WIPI2: variants seen among roughly 807,000 people sequenced by gnomAD.
WIPI2 encodes WD repeat domain phosphoinositide-interacting protein 2.
In WIPI2, 28 loss-of-function variants were observed where a neutral mutation model predicts 52.3. That is an observed-to-expected ratio of 0.54 (90% CI 0.40 to 0.73). The LOEUF (loss-of-function observed/expected upper bound fraction) is 0.73, where lower values mean the gene tolerates loss of function less well. Ranked by LOEUF, WIPI2 falls within the 30% of genes least tolerant of loss-of-function variation. WIPI2 has a pLI of 0.00. For synonymous variants in WIPI2, 268 were observed against 245.0 expected (o/e 1.09, Z -0.88); for missense variants, 506 against 602.9 (o/e 0.84, Z 1.68).
Position 5,212,182 on chromosome 7 carries a change from G to A in WIPI2, c.212-2353G>A, listed in dbSNP as rs189006102. ...AAGGAGCTCCTCGTCTATGACAGGCGACATTAGACCTGGGGGTGGTGCAGC... is the reference window on the plus strand; with the variant it reads ...AAGGAGCTCCTCGTCTATGACAGGCAACATTAGACCTGGGGGTGGTGCAGC... On this transcript the variant is annotated intron_variant, in intron 3 of 12. Transcript: ENST00000288828. Among the ~76,000 whole-genome samples, 641 of 152,238 alleles carry A rather than the reference G, an allele frequency of 4.2e-3. 14 individuals carry two copies. Among genetic ancestry groups the A allele is most frequent in the East Asian group, 2.9e-3 (15 of 5,192 alleles).
At chr7:5,213,921 G>C (rs1782685324) in intron 3 of WIPI2, among the ~76,000 whole-genome samples, 2 of 152,172 alleles carry the variant, frequency 1.3e-5, no homozygotes, top group African/African-American at 4.8e-5. Flanking sequence ...TCCCGACCTT[G>C]TGATCCACCC....
chr7:5,197,043 C>T (rs1205561577), intron 2 of WIPI2, among the ~76,000 whole-genome samples: 4 of 136,784 alleles, frequency 2.9e-5, no homozygotes, highest in African/African-American at 1.1e-4. Flanking sequence ...ACCCAGGAGG[C>T]AGAGGTTTCA....
At chr7:5,224,292 C>T (rs1481430530) in intron 8 of WIPI2, among the ~76,000 whole-genome samples, 1 of 152,176 alleles carries the variant, frequency 6.6e-6, no homozygotes. Flanking sequence ...GTGTCGCCCT[C>T]GAGGAGGCCT....
At chr7:5,229,513 T>C in intron 11 of WIPI2, 95 bp from the exon 12 acceptor site, 1 of 1,458,952 alleles carries the variant, frequency 6.9e-7, no homozygotes, top group Non-Finnish European at 9.2e-7. Context: ...TGGTGAGTGG[T>C]GTGCTGGCTC....
At position 5,228,112 on chromosome 7, in the gene WIPI2, A is replaced by G; in HGVS notation, c.1022A>G (p.Lys341Arg). The change falls in exon 11 of 13, where the codon AAG becomes AGG. Residue 341 changes from lysine (K) to arginine (R), a missense_variant. By Grantham distance (26) the Lys-to-Arg change is conservative (BLOSUM62 2). Transcript: ENST00000288828. The part of the protein sequence containing the change: ...KNICSLATIQ[K>R]IPRLLVGAAD... ...CTCTTTATTCTCCCTAGAATTCAGA[A>G]GATCCCGCGGTTGTTGGTGGGTGCC... 1 of 1,613,970 alleles carries G rather than the reference A, an allele frequency of 6.2e-7. No homozygotes were observed. The highest frequency in any genetic ancestry group is 1.1e-5 in the South Asian group (1 of 91,080).
intron 3 of WIPI2, among the ~76,000 whole-genome samples, chr7:5,210,545 G>A (rs1024769213): frequency 4.6e-5 from 7 of 152,218 alleles, no homozygotes; most frequent in African/African-American, 1.4e-4. Flanking sequence ...CCTCCTCTCC[G>A]TGATGGCAGG....
chr7:5,214,441 C>T (rs756827191), intron 3 of WIPI2, 94 bp from the exon 4 acceptor site: 6 of 1,612,750 alleles, frequency 3.7e-6, no homozygotes, highest in Middle Eastern at 1.8e-4. Flanking sequence ...CCCTGCGTGT[C>T]GCCCAGGCAG....
In WIPI2 at chr7:5,229,670, T is replaced by C. The variant is rs780426631; in HGVS notation, c.1184T>C (p.Leu395Ser). 3.7e-6 allele frequency: 6 copies of C among 1,614,088 alleles called. No individual in the cohort carries two copies. Among genetic ancestry groups the C allele is most frequent in the Non-Finnish European group, 5.1e-6 (6 of 1,179,970 alleles). The change falls in exon 12 of 13, where the codon TTA becomes TCA. Residue 395 changes from leucine to serine, a missense_variant. Leu to Ser is a moderately radical substitution (Grantham distance 145). Transcript: ENST00000288828. ...GACTCTGCCTCTCACGACTGCCCCT[T>C]AGTCACTCAGACATACGGCGCAGCT... ...ILDSASHDCP[L>S]VTQTYGAAAG...
chr7:5,192,969 A>G, intron 1 of WIPI2, 149 bp from the exon 2 acceptor site: 1 of 685,080 alleles, frequency 1.5e-6, no homozygotes, highest in Non-Finnish European at 2.4e-6. Context: ...TGTATTTGTT[A>G]CATACCAAAC....
chr7:5,232,703 A>G lies in WIPI2; in HGVS notation c.*1756A>G, dbSNP rs1201651068. ...TCTCTAGAACCTGACCGTGCACTCC[A>G]TCTCCTGGGAGCCACTTTTGGCAAG... On this transcript the variant is annotated 3_prime_UTR_variant, in exon 13 of 13. Transcript: ENST00000288828. The G allele has an allele frequency of 1.1e-5, 2 of 181,984 alleles. No homozygotes were observed. The highest frequency in any genetic ancestry group is 2.3e-5 in the Non-Finnish European group (2 of 88,204). The allele number at this position is 181,984 out of a possible 1,614,324, so 11.3% of individuals were successfully genotyped here. A position where few individuals can be genotyped will look rare whatever the true frequency, so the allele number is the denominator to read the frequency against.
chr7:5,204,731 A>G (rs1006948489), intron 3 of WIPI2, among the ~76,000 whole-genome samples: 3 of 151,540 alleles, frequency 2.0e-5, no homozygotes, highest in Non-Finnish European at 4.4e-5. Flanking sequence ...TCGCTCTGTC[A>G]CTCATGCAGT....
chr7:5,197,129 A>C (rs1032596680), intron 2 of WIPI2, among the ~76,000 whole-genome samples: 7 of 147,844 alleles, frequency 4.7e-5, no homozygotes, highest in South Asian at 4.2e-4. Flanking sequence ...AAAAAAAAAA[A>C]AAAAAAAAAA....
At chr7:5,218,576 T>G (rs990821592) in intron 7 of WIPI2, 11 of 153,490 alleles carry the variant, frequency 7.2e-5, no homozygotes, top group Admixed American at 2.6e-4. Flanking sequence ...GTTTCTAATA[T>G]GTTGCTGCCG....
At chr7:5,203,935 T>C (rs1224817330) in intron 3 of WIPI2, among the ~76,000 whole-genome samples, 1 of 152,146 alleles carries the variant, frequency 6.6e-6, no homozygotes, top group African/African-American at 2.4e-5. Flanking sequence ...GTTCAGTCTT[T>C]CTTAGTGTCA....
chr7:5,194,136 C>T (rs934962560), intron 2 of WIPI2, among the ~76,000 whole-genome samples: 1 of 151,256 alleles, frequency 6.6e-6, no homozygotes, highest in African/African-American at 2.4e-5. Flanking sequence ...GTGAAAAAGC[C>T]GAGAAGGAGA....
intron 7 of WIPI2, among the ~76,000 whole-genome samples, chr7:5,221,382 T>G (rs1299924449): frequency 6.6e-6 from 1 of 152,200 alleles, no homozygotes. Flanking sequence ...AGCCTAGATA[T>G]TCTTAACAGT....
intron 11 of WIPI2, 61 bp downstream of exon 11, chr7:5,228,272 C>T (rs1405241945): frequency 4.2e-6 from 6 of 1,441,756 alleles, no homozygotes; most frequent in African/African-American, 2.9e-5. Flanking sequence ...TTTCGGGGCA[C>T]CTGGCGAACG....
At chr7:5,219,912 T>C (rs1188949500) in intron 7 of WIPI2, among the ~76,000 whole-genome samples, 1 of 150,598 alleles carries the variant, frequency 6.6e-6, no homozygotes, top group African/African-American at 2.4e-5. Flanking sequence ...CTCTGCTCTA[T>C]GCAACCTCCA....
rs191906000 is a variant in WIPI2 at position 5,207,041 on chromosome 7, C to T, written c.211+7383C>T. Among the ~76,000 whole-genome samples the T allele has an allele frequency of 2.1e-3, 316 of 152,202 alleles. 1 individual carries two copies. Among genetic ancestry groups the T allele is most frequent in the Middle Eastern group, 6.8e-3 (2 of 294 alleles). On this transcript the variant is annotated intron_variant, in intron 3 of 12. Coordinates refer to ENST00000288828, the MANE Select transcript of WIPI2 (RefSeq NM_015610.4). The stretch of plus-strand genomic sequence containing the variant: ...TGATCCACATCAGCCTCCCAGAGTG[C>T]TGAGATTACAGACAAACCACCACAC...
Sources: allele counts gnomAD v4.1 joint callset (sites outside exome capture counted in the v4.1 genomes callset), GRCh38; gene constraint gnomAD v4.1.1; transcripts MANE v1.5; gene names NCBI Gene and HGNC (gene_info 2026-07-23, HGNC 2026-07-21).